RAVER1: variants seen among roughly 807,000 people sequenced by gnomAD.
RAVER1 encodes the protein ribonucleoprotein, PTB binding 1.
In RAVER1, 36 loss-of-function variants were observed where a neutral mutation model predicts 68.4. The observed-to-expected ratio is 0.53, with a 90% CI of 0.40 to 0.70. RAVER1 has a LOEUF of 0.70. Among genes scored for constraint, RAVER1 ranks in the 30% least tolerant of loss-of-function variants. The probability of loss-of-function intolerance (pLI) is 0.00; values close to 1 mark genes in which losing one functional copy is unlikely to be tolerated. For missense variants in RAVER1, 933 were observed against 1,019.8 expected (o/e 0.91, Z 1.16); for synonymous variants, 469 against 472.7 (o/e 0.99, Z 0.10).
intron 3 of RAVER1, among the ~76,000 whole-genome samples, chr19:10,324,660 G>A (rs1303042655): frequency 6.6e-6 from 1 of 152,184 alleles, no homozygotes; most frequent in Non-Finnish European, 1.5e-5. Flanking sequence ...TTACAGGCGT[G>A]AGCCACTGTG....
rs1480155018 is a variant in RAVER1 at position 10,333,199 on chromosome 19, G to A, written c.219+90C>T. The A allele has an allele frequency of 7.8e-7, 1 of 1,274,882 alleles. No individual in the cohort carries two copies. Among genetic ancestry groups the A allele is most frequent in the Middle Eastern group, 2.7e-4 (1 of 3,742 alleles). The allele number at this position is 1,274,882 out of a possible 1,614,324, so 79.0% of individuals were successfully genotyped here. On this transcript the variant is annotated intron_variant, in intron 1 of 12. Coordinates refer to ENST00000617231, the MANE Select transcript of RAVER1 (RefSeq NM_133452.3). This position sits in a 1 kb window ranked among gnomAD's most constrained non-coding sequence, Gnocchi z 4.2. ...TTGGGCGCCCCCGCCAACGACCCCC[G>A]CGCACCTCAGCGTTGGTGTCGCCCG...
At chr19:10,330,600 G>T in intron 1 of RAVER1, 74 bp from the exon 2 acceptor site, 1 of 709,862 alleles carries the variant, frequency 1.4e-6, no homozygotes, top group Non-Finnish European at 2.6e-6. Flanking sequence ...CTTCATAGCT[G>T]CCACCAGCTA....
At chr19:10,318,417 C>G in intron 10 of RAVER1, 45 bp from the exon 11 acceptor site, 1 of 1,482,160 alleles carries the variant, frequency 6.7e-7, no homozygotes, top group East Asian at 2.5e-5. Flanking sequence ...ATTGTAGTAC[C>G]CAGCCCTTTG....
chr19:10,328,978 G>T lies in RAVER1; in HGVS notation c.420C>A (p.Pro140=). 1 of 1,596,392 alleles carries T rather than the reference G, an allele frequency of 6.3e-7. No individual in the cohort carries two copies. The highest frequency in any genetic ancestry group is 8.6e-7 in the Non-Finnish European group (1 of 1,168,898). ...CGAACTGCTGCTGTGTGAGGCTGGG[G>T]GGCAGGTTGGCCACACACAGCAGGG... ...TDALLCVANL[P]PSLTQQQFEE... is the part of the protein sequence containing the mutation. The change falls in exon 3 of 13, where the codon CCC becomes CCA. Residue 140 remains proline, a synonymous_variant. Coordinates refer to ENST00000617231, the MANE Select transcript of RAVER1 (RefSeq NM_133452.3). The surrounding 1 kb of genome is among the most constrained non-coding windows in gnomAD (Gnocchi z 4.4).
At chr19:10,318,507 C>T (rs994368603) in intron 10 of RAVER1, 135 bp from the exon 11 acceptor site, 10 of 633,168 alleles carry the variant, frequency 1.6e-5, no homozygotes, top group African/African-American at 9.7e-5. Flanking sequence ...TACAGGCATG[C>T]GCCACCATGC....
intron 2 of RAVER1, among the ~76,000 whole-genome samples, chr19:10,330,101 G>A (rs190399535): frequency 6.9e-5 from 10 of 145,878 alleles, no homozygotes; most frequent in South Asian, 6.5e-4. Flanking sequence ...CCAGCCTGGC[G>A]ACAGAGCAAG....
rs765539381 is a variant in RAVER1, at chr19:10,328,934, A to C, written c.464T>G (p.Phe155Cys). 5.6e-6 allele frequency: 9 copies of C among 1,610,476 alleles called. No individual in the cohort carries two copies. Among genetic ancestry groups the C allele is most frequent in the Non-Finnish European group, 6.8e-6 (8 of 1,177,996 alleles). The change falls in exon 3 of 13, where the codon TTC becomes TGC. Residue 155 changes from phenylalanine (F) to cysteine (C), a missense_variant. By Grantham distance (205) the Phe-to-Cys change is radical. Around this residue, in one of 3 missense-constraint regions of RAVER1, gnomAD observed 211 missense variants for 230.0 expected, o/e 0.92. Coordinates refer to ENST00000617231, the MANE Select transcript of RAVER1 (RefSeq NM_133452.3). The surrounding 1 kb of genome is among the most constrained non-coding windows in gnomAD (Gnocchi z 4.4). The stretch of plus-strand genomic sequence containing the variant: ...CAGGAAGCAGCGCTCCAGGCTGCCG[A>C]AGGGCCGCACCAGCTCCTCGAACTG... ...QQQFEELVRP[F>C]GSLERCFLVY...
At chr19:10,326,707 G>T (rs1023906288) in intron 3 of RAVER1, among the ~76,000 whole-genome samples, 1 of 151,200 alleles carries the variant, frequency 6.6e-6, no homozygotes, top group Non-Finnish European at 1.5e-5. Context: ...CGTCCGTCTC[G>T]GCCTCCAAAG....
chr19:10,318,122 C>G, intron 11 of RAVER1, 107 bp downstream of exon 11: 1 of 969,632 alleles, frequency 1.0e-6, no homozygotes, highest in Non-Finnish European at 1.5e-6. Context: ...CCCCTGCCAC[C>G]ACCCCAGCTT....
chr19:10,316,649 C>T lies in RAVER1; in HGVS notation c.*805G>A. ...AGGAGGGGGTGGTGGGGCCGGTTCG[C>T]CAAGATGAAGGCTTTCCCCTTCTAC... On this transcript the variant is annotated 3_prime_UTR_variant, in exon 13 of 13. Transcript: ENST00000617231. The T allele has an allele frequency of 1.2e-6, 1 of 854,186 alleles. No homozygotes were observed. Among genetic ancestry groups the T allele is most frequent in the East Asian group, 1.2e-4 (1 of 8,298 alleles). 52.9% of individuals were successfully genotyped at this position (854,186 alleles called of 1,614,324 possible). A position where few individuals can be genotyped will look rare whatever the true frequency, so the allele number is the denominator to read the frequency against.
rs2040454066 is a variant in RAVER1 at position 10,323,509 on chromosome 19, C to T, written c.814G>A (p.Ala272Thr). The change falls in exon 4 of 13, where the codon GCT (alanine) becomes ACT (threonine). Residue 272 changes from alanine (A) to threonine (T), a missense_variant. By Grantham distance (58) the Ala-to-Thr change is moderately conservative. Around this residue, in one of 3 missense-constraint regions of RAVER1, gnomAD observed 699 missense variants for 731.1 expected, o/e 0.96. Coordinates refer to ENST00000617231, the MANE Select transcript of RAVER1 (RefSeq NM_133452.3). This position sits in a 1 kb window ranked among gnomAD's most constrained non-coding sequence, Gnocchi z 6.2. ...KGFAVLEYET[A>T]EMAEEAQQQA... is the part of the protein sequence containing the mutation. ...TGCTGTGCCTCCTCCGCCATCTCAG[C>T]CGTCTCATACTCCAGCACCGCGAAG... 3 of 1,608,892 alleles carry T rather than the reference C, an allele frequency of 1.9e-6. No homozygotes were observed. The highest frequency in any genetic ancestry group is 2.5e-6 in the Non-Finnish European group (3 of 1,179,674).
At chr19:10,331,356 C>CAAAAAAAAAAAAAAAAA (rs58419369) in intron 1 of RAVER1, among the ~76,000 whole-genome samples, 1 of 29,172 alleles carries the variant, frequency 3.4e-5, no homozygotes, top group Non-Finnish European at 5.5e-5. Context: ...GACTCCGTCT[C>CAAAAAAAAAAAAAAAAA]AAAAAAAAAA....
intron 8 of RAVER1, 35 bp from the exon 9 acceptor site, chr19:10,320,986 G>A (rs563958756): frequency 4.3e-5 from 64 of 1,486,856 alleles, no homozygotes; most frequent in African/African-American, 2.2e-4. Flanking sequence ...GAGGGCCCCC[G>A]GGAGAGGGAA....
In RAVER1 at chr19:10,318,386, G is replaced by A. The variant is rs1332341957; in HGVS notation, c.1846-14C>T. 1.3e-6 allele frequency: 2 copies of A among 1,584,196 alleles called. No homozygotes were observed. The highest frequency in any genetic ancestry group is 1.7e-6 in the Non-Finnish European group (2 of 1,167,982). ...CGGGGGGGACATCTGTAGAAGAAGG[G>A]CCGGTGGAGTGAAGCAGACAATTGT... On this transcript the variant is annotated splice_polypyrimidine_tract_variant and intron_variant, in intron 10 of 12. Transcript: ENST00000617231.
At position 10,319,180 on chromosome 19, in the gene RAVER1, G is replaced by A. The variant is rs766694731; in HGVS notation, c.1831C>T (p.Pro611Ser). 6 of 1,613,860 alleles carry A rather than the reference G, an allele frequency of 3.7e-6. No individual in the cohort carries two copies. In the Admixed American group the frequency reaches 8.3e-5, roughly 22 times the overall value. The change falls in exon 10 of 13, where the codon CCC becomes TCC. Residue 611 changes from proline (P) to serine (S), a missense_variant. By Grantham distance (74) the Pro-to-Ser change is moderately conservative. Around this residue, in one of 3 missense-constraint regions of RAVER1, gnomAD observed 699 missense variants for 731.1 expected, o/e 0.96. Transcript: ENST00000617231. ...GTGGCTCTTACCTTGTGTCGGCTGG[G>A]TCCGTGAGGCCCAAGGGCTGGTTCC... ...PREPALGPHG[P>S]SRHKMSPPPS... is the part of the protein sequence containing the mutation.
chr19:10,316,579 C>G lies in RAVER1; in HGVS notation c.*875G>C. 1.0e-6 allele frequency: 1 copy of G among 986,844 alleles called. No individual in the cohort carries two copies. The highest frequency in any genetic ancestry group is 1.2e-6 in the Non-Finnish European group (1 of 830,546). The allele number at this position is 986,844 out of a possible 1,614,324, so 61.1% of individuals were successfully genotyped here. ...ATGTCCGACTCCCACAGACAGACAG[C>G]AGGGGACTGGCAGAGAAAGCCCATC... On this transcript the variant is annotated 3_prime_UTR_variant, in exon 13 of 13. Coordinates refer to ENST00000617231, the MANE Select transcript of RAVER1 (RefSeq NM_133452.3).
At position 10,318,368 on chromosome 19, in the gene RAVER1, G is replaced by A. The variant is rs748036152; in HGVS notation, c.1850C>T (p.Ser617Phe). The change falls in exon 11 of 13, where the codon TCC becomes TTC. Residue 617 changes from serine to phenylalanine, a missense_variant. By Grantham distance (155) the Ser-to-Phe change is radical. Coordinates refer to ENST00000617231, the MANE Select transcript of RAVER1 (RefSeq NM_133452.3). ...GPHGPSRHKM[S>F]PPPSGFGERS... ...TTCGCCGAAGCCACTGGGCGGGGGG[G>A]ACATCTGTAGAAGAAGGGCCGGTGG... The A allele has an allele frequency of 7.5e-6, 12 of 1,595,692 alleles. No homozygotes were observed. The South Asian group carries it at 1.1e-4, about 15-fold the overall frequency.
rs1461388827 is a variant in RAVER1, at chr19:10,329,124, G to A, written c.287-13C>T. 6.9e-7 allele frequency: 1 copy of A among 1,442,756 alleles called. No homozygotes were observed. Among genetic ancestry groups the A allele is most frequent in the African/African-American group, 1.4e-5 (1 of 69,906 alleles). 89.4% of individuals were successfully genotyped at this position (1,442,756 alleles called of 1,614,324 possible). ...AGGGTCACGAAGGCTGCGGTGGGAG[G>A]AGGGCAGTGCGAGGTCAGCCGGGCC... On this transcript the variant is annotated splice_polypyrimidine_tract_variant and intron_variant, in intron 2 of 12. Transcript: ENST00000617231. The surrounding 1 kb of genome is among the most constrained non-coding windows in gnomAD (Gnocchi z 4.6).
At chr19:10,331,542 T>A (rs1291153928) in intron 1 of RAVER1, among the ~76,000 whole-genome samples, 1 of 150,306 alleles carries the variant, frequency 6.7e-6, no homozygotes, top group African/African-American at 2.4e-5. Context: ...AAAAATCAGC[T>A]GGCTGTGGTG....
Sources: gnomAD v4.1 joint callset for allele counts (sites outside exome capture counted in the v4.1 genomes callset) on GRCh38, gnomAD v4.1.1 for gene constraint, gnomAD v4.1.1 regional missense constraint, Gnocchi (gnomAD v3.1) non-coding constraint, MANE v1.5 for transcripts, NCBI Gene and HGNC (gene_info 2026-07-23, HGNC 2026-07-21) for gene names.